The following DLGAP2 variants were observed in gnomAD, a reference collection of about 807,000 sequenced individuals.
DLGAP2 encodes DLG associated protein 2.
Under a neutral mutation model 100.3 loss-of-function variants are expected in DLGAP2, and 26 were observed. The ratio of observed to expected loss-of-function variants is 0.26; its 90% CI spans 0.19 to 0.36. DLGAP2 has a LOEUF of 0.36. DLGAP2 is among the 10% of genes least tolerant of loss of function. The pLI is 1.00. For synonymous variants in DLGAP2, 886 were observed against 630.1 expected (o/e 1.41, Z -6.08); for missense variants, 1,858 against 1,453.2 (o/e 1.28, Z -4.53).
intron 1 of DLGAP2, among the ~76,000 whole-genome samples, chr8:852,076 G>C (rs968910929): frequency 6.6e-5 from 10 of 152,328 alleles, no homozygotes; most frequent in African/African-American, 2.4e-4. Context: ...CCAGCTGTGA[G>C]AATTGGCTTT....
At chr8:1,499,449 C>G (rs1412508259) in intron 3 of DLGAP2, among the ~76,000 whole-genome samples, 2 of 152,226 alleles carry the variant, frequency 1.3e-5, no homozygotes, top group Non-Finnish European at 1.5e-5. Flanking sequence ...TCTCACATTA[C>G]TCACACATAT....
intron 2 of DLGAP2, among the ~76,000 whole-genome samples, chr8:1,141,413 A>T: frequency 6.6e-6 from 1 of 152,172 alleles, no homozygotes; most frequent in East Asian, 1.9e-4. Flanking sequence ...ATGCTTAAAA[A>T]CTCACGGGCA....
intron 2 of DLGAP2, among the ~76,000 whole-genome samples, chr8:1,150,373 T>C (rs1234392828): frequency 3.9e-5 from 6 of 152,246 alleles, no homozygotes; most frequent in Non-Finnish European, 8.8e-5. Context: ...TTTCTTTGGC[T>C]TCTTATAATA....
At chr8:997,061 T>A (rs1175270088) in intron 2 of DLGAP2, among the ~76,000 whole-genome samples, 2 of 152,214 alleles carry the variant, frequency 1.3e-5, no homozygotes, top group Non-Finnish European at 2.9e-5. Context: ...AGAGAAAGTA[T>A]AATATACATG....
At chr8:791,789 T>C (rs145798802) in intron 1 of DLGAP2, among the ~76,000 whole-genome samples, 103 of 152,328 alleles carry the variant, frequency 6.8e-4, no homozygotes, top group African/African-American at 2.4e-3. Context: ...CTCCCCCTTA[T>C]TCACTTTTGC....
intron 3 of DLGAP2, among the ~76,000 whole-genome samples, chr8:1,362,726 A>AAGAGCC (rs1802014612): frequency 6.6e-6 from 1 of 152,218 alleles, no homozygotes; most frequent in South Asian, 2.1e-4. Context: ...TTTTTAATTC[A>AAGAGCC]AGAGCCAAAG....
In DLGAP2 at chr8:1,549,734, T is replaced by C. The variant is rs914114655; in HGVS notation, c.1230+51T>C. The C allele has an allele frequency of 4.1e-6, 6 of 1,463,536 alleles. No individual in the cohort carries two copies. In the African/African-American group the frequency reaches 8.5e-5, roughly 21 times the overall value. The allele number at this position is 1,463,536 out of a possible 1,614,324, so 90.7% of individuals were successfully genotyped here. On this transcript the variant is annotated intron_variant, in intron 5 of 14. Transcript: ENST00000637795. ...GGCCGTCTCGGCACAGCAGGTGGTA[T>C]TGTCGTTATTCCTTTTTTAATTGAC...
At chr8:1,284,315 C>T (rs1004099604) in intron 3 of DLGAP2, among the ~76,000 whole-genome samples, 1 of 152,170 alleles carries the variant, frequency 6.6e-6, no homozygotes, top group Non-Finnish European at 1.5e-5. Context: ...TGTCTGGATT[C>T]TGCTGTGCAG....
intron 3 of DLGAP2, among the ~76,000 whole-genome samples, chr8:1,273,084 T>C (rs1341068737): frequency 2.0e-5 from 3 of 152,194 alleles, no homozygotes; most frequent in Non-Finnish European, 2.9e-5. Context: ...CCTGAATTTT[T>C]ACCTCAGGCC....
At chr8:1,540,615 A>G (rs1801329495) in intron 4 of DLGAP2, among the ~76,000 whole-genome samples, 1 of 152,212 alleles carries the variant, frequency 6.6e-6, no homozygotes, top group Admixed American at 6.5e-5. Flanking sequence ...GTGGCTGCAC[A>G]GCTCTGCTGC....
chr8:1,334,860 C>T (rs1224541990), intron 3 of DLGAP2, among the ~76,000 whole-genome samples: 2 of 152,176 alleles, frequency 1.3e-5, no homozygotes, highest in Non-Finnish European at 1.5e-5. Flanking sequence ...TGTCTTGCCT[C>T]TCTCGCCTCT....
At chr8:1,628,286 C>T (rs939474639) in intron 7 of DLGAP2, among the ~76,000 whole-genome samples, 2 of 146,078 alleles carry the variant, frequency 1.4e-5, no homozygotes, top group Non-Finnish European at 3.0e-5. Flanking sequence ...TTCTCTCTGA[C>T]TTACTGTGGA....
chr8:1,473,781 A>C (rs1055252117), intron 3 of DLGAP2, among the ~76,000 whole-genome samples: 7 of 152,140 alleles, frequency 4.6e-5, no homozygotes, highest in East Asian at 1.9e-4. Flanking sequence ...AATACATCTC[A>C]TGAGACCTGA....
At chr8:1,145,233 C>A (rs1265924181) in intron 2 of DLGAP2, among the ~76,000 whole-genome samples, 1 of 152,096 alleles carries the variant, frequency 6.6e-6, no homozygotes, top group Non-Finnish European at 1.5e-5. Flanking sequence ...AGAAACACAG[C>A]TTGCCCCACC....
intron 3 of DLGAP2, among the ~76,000 whole-genome samples, chr8:1,389,059 C>T (rs1410439849): frequency 6.6e-6 from 1 of 151,360 alleles, no homozygotes; most frequent in African/African-American, 2.4e-5. Flanking sequence ...GCTGTGAGAG[C>T]AGAGGCCGTG....
chr8:1,064,922 A>T (rs1264093717), intron 2 of DLGAP2, among the ~76,000 whole-genome samples: 1 of 152,196 alleles, frequency 6.6e-6, no homozygotes, highest in Non-Finnish European at 1.5e-5. Context: ...GGGTGGGTGC[A>T]TGGAAGAGCA....
intron 2 of DLGAP2, among the ~76,000 whole-genome samples, chr8:908,697 T>C (rs1399016760): frequency 1.3e-5 from 2 of 152,254 alleles, no homozygotes; most frequent in Non-Finnish European, 2.9e-5. Flanking sequence ...GATTTATTTT[T>C]ATCAAAGAAA....
At chr8:1,358,409 GTA>G (rs2129644458) in intron 3 of DLGAP2, among the ~76,000 whole-genome samples, 1 of 152,262 alleles carries the variant, frequency 6.6e-6, no homozygotes, top group South Asian at 2.1e-4. Flanking sequence ...GGCTAAAAAT[GTA>G]TTGATCGGGG....
At chr8:1,546,537 A>T (rs1801542561) in intron 4 of DLGAP2, among the ~76,000 whole-genome samples, 1 of 152,226 alleles carries the variant, frequency 6.6e-6, no homozygotes, top group Admixed American at 6.5e-5. Context: ...TTTTGAGGCC[A>T]TACCTAGGAC....
Sources: gnomAD v4.1 joint callset for allele counts (sites outside exome capture counted in the v4.1 genomes callset) on GRCh38, gnomAD v4.1.1 for gene constraint, MANE v1.5 for transcripts, NCBI Gene and HGNC (gene_info 2026-07-23, HGNC 2026-07-21) for gene names.